SNX13: variants seen among roughly 807,000 people sequenced by gnomAD.
SNX13 encodes the protein sorting nexin-13.
A neutral mutation model predicts 133.6 loss-of-function variants in SNX13; 45 were observed. That is an observed-to-expected ratio of 0.34 (90% CI 0.27 to 0.43). The LOEUF is 0.43. Among genes scored for constraint, SNX13 ranks in the 20% least tolerant of loss-of-function variants. SNX13 has a pLI of 1.00. For missense variants in SNX13, 1,032 were observed against 1,145.1 expected (o/e 0.90, Z 1.43); for synonymous variants, 414 against 373.9 (o/e 1.11, Z -1.24).
chr7:17,939,819 A>G (rs1802586241), intron 1 of SNX13, among the ~76,000 whole-genome samples: 1 of 152,230 alleles, frequency 6.6e-6, no homozygotes, highest in Non-Finnish European at 1.5e-5. Context: ...GTGGGAAACA[A>G]ACCGGTCGGG....
chr7:17,895,087 A>G (rs1797059443), intron 2 of SNX13, among the ~76,000 whole-genome samples: 1 of 152,230 alleles, frequency 6.6e-6, no homozygotes, highest in Non-Finnish European at 1.5e-5. Context: ...TTATAGACAA[A>G]ATAAAATGTT....
chr7:17,799,218 GTTGCTTTTACGAAATGA>G, intron 22 of SNX13, 64 bp from the exon 23 acceptor site: 1 of 1,359,506 alleles, frequency 7.4e-7, no homozygotes. Context: ...TGTTACTTTT[GTTGCTTTTACGAAATGA>G]TTGATATTTC....
intron 25 of SNX13, chr7:17,796,509 AGCTT>A (rs1209763718): frequency 2.8e-5 from 6 of 215,496 alleles, no homozygotes; most frequent in Non-Finnish European, 5.6e-5. Flanking sequence ...TAAAAGCATA[AGCTT>A]TCACATCACT....
chr7:17,842,717 G>A (rs927666968), intron 12 of SNX13, among the ~76,000 whole-genome samples: 2 of 151,886 alleles, frequency 1.3e-5, no homozygotes, highest in African/African-American at 4.8e-5. Context: ...ATTTACAAAA[G>A]TAACTCATTT....
At chr7:17,914,453 G>GA (rs1799330630) in intron 1 of SNX13, among the ~76,000 whole-genome samples, 1 of 152,000 alleles carries the variant, frequency 6.6e-6, no homozygotes. Flanking sequence ...ATCCAAAATA[G>GA]AAAAAATCTT....
chr7:17,853,937 T>C (rs1440773220), intron 9 of SNX13, among the ~76,000 whole-genome samples: 1 of 144,248 alleles, frequency 6.9e-6, no homozygotes, highest in Non-Finnish European at 1.5e-5. Flanking sequence ...CGAGAATCCA[T>C]CTCCAAAAAA....
intron 11 of SNX13, among the ~76,000 whole-genome samples, chr7:17,848,956 TCTGTTCA>T (rs1790880842): frequency 6.6e-6 from 1 of 152,226 alleles, no homozygotes; most frequent in Admixed American, 6.5e-5. Context: ...TGTCTTAAAC[TCTGTTCA>T]TTGAAGTGTA....
At chr7:17,854,329 A>G (rs1308489127) in intron 9 of SNX13, among the ~76,000 whole-genome samples, 1 of 152,252 alleles carries the variant, frequency 6.6e-6, no homozygotes, top group African/African-American at 2.4e-5. Flanking sequence ...AGAGGACACT[A>G]ATTCCTAGAG....
At chr7:17,802,781 T>C (rs903411273) in intron 21 of SNX13, among the ~76,000 whole-genome samples, 3 of 152,190 alleles carry the variant, frequency 2.0e-5, no homozygotes, top group African/African-American at 7.2e-5. Context: ...ATATGTTTTA[T>C]AGCCTTGATT....
chr7:17,834,532 C>T (rs1026817148), intron 14 of SNX13, among the ~76,000 whole-genome samples: 2 of 151,706 alleles, frequency 1.3e-5, no homozygotes, highest in African/African-American at 4.8e-5. Flanking sequence ...CAATATCTAG[C>T]CCTACAATCA....
rs1223717756 is a variant in SNX13 at position 17,792,442 on chromosome 7, T to C, written c.*1603A>G. 2 of 152,494 alleles carry C rather than the reference T, an allele frequency of 1.3e-5. No homozygotes were observed. The highest frequency in any genetic ancestry group is 2.1e-4 in the South Asian group (1 of 4,826). The allele number at this position is 152,494 out of a possible 1,614,324, so 9.4% of individuals were successfully genotyped here. Reference sequence around the variant, plus strand: ...CTATAAGTATGCACAACAGCATTATTAATAAATATGATTATTATAAAGCTT... The same window carrying C: ...CTATAAGTATGCACAACAGCATTATCAATAAATATGATTATTATAAAGCTT... On this transcript the variant is annotated 3_prime_UTR_variant, in exon 26 of 26. Transcript: ENST00000428135.
chr7:17,852,509 C>T (rs1360556926), intron 9 of SNX13, among the ~76,000 whole-genome samples: 1 of 152,122 alleles, frequency 6.6e-6, no homozygotes, highest in Non-Finnish European at 1.5e-5. Context: ...GGATTATTCT[C>T]TTTGACTTGT....
chr7:17,861,571 C>G (rs555608521), intron 9 of SNX13, among the ~76,000 whole-genome samples: 1 of 152,080 alleles, frequency 6.6e-6, no homozygotes, highest in African/African-American at 2.4e-5. Flanking sequence ...CAAGTGAGCT[C>G]GAGGATGTGC....
intron 18 of SNX13, among the ~76,000 whole-genome samples, chr7:17,818,955 A>G (rs991188339): frequency 1.3e-5 from 2 of 152,212 alleles, no homozygotes; most frequent in African/African-American, 4.8e-5. Context: ...TTCACCAAAT[A>G]AAACAGAAAT....
rs768416038 is a variant in SNX13, at chr7:17,845,653, A to G, written c.1107T>C (p.Leu369=). 1.6e-5 allele frequency: 26 copies of G among 1,602,222 alleles called. No individual in the cohort carries two copies. In the South Asian group the frequency reaches 2.7e-4, roughly 17 times the overall value. Residue 369 remains leucine, a synonymous_variant, in exon 12 of 26, where the codon CTT becomes CTC. Coordinates refer to ENST00000428135, the MANE Select transcript of SNX13 (RefSeq NM_015132.5). ...GAATGCTGTCCAGGGGGACTGTGCA[A>G]AGTTTCCCAAAGTTTGCTGCAAGTT... is the stretch of plus-strand genomic sequence containing the variant. ...TVKLAANFGK[L]CTVPLDSILV...
In SNX13 at chr7:17,796,850, G is replaced by A. The variant is rs772765708; in HGVS notation, c.2603C>T (p.Thr868Met). 37 of 1,610,012 alleles carry A rather than the reference G, an allele frequency of 2.3e-5. No homozygotes were observed. The highest frequency in any genetic ancestry group is 8.0e-5 in the African/African-American group (6 of 74,768). ...ACCTGGCATAATTGCAAGTAATTTC[G>A]TTTTTCCTGCTACTCTTGTTCTCAT... ...IRMRTRVAGKTKLLAIMPDEL... is the reference protein window; with the variant it reads ...IRMRTRVAGKMKLLAIMPDEL... The change falls in exon 25 of 26, where the codon ACG becomes ATG. Residue 868 changes from threonine to methionine, a missense_variant. Physicochemically the swap from Thr to Met is moderately conservative, Grantham distance 81. Coordinates refer to ENST00000428135, the MANE Select transcript of SNX13 (RefSeq NM_015132.5).
rs141818902 is a variant in SNX13 at position 17,897,457 on chromosome 7, G to A, written c.13-11C>T. 1.4e-6 allele frequency: 2 copies of A among 1,445,574 alleles called. No homozygotes were observed. The highest frequency in any genetic ancestry group is 1.9e-6 in the Non-Finnish European group (2 of 1,065,448). 89.5% of individuals were successfully genotyped at this position (1,445,574 alleles called of 1,614,324 possible). A position where few individuals can be genotyped will look rare whatever the true frequency, so the allele number is the denominator to read the frequency against. On this transcript the variant is annotated splice_polypyrimidine_tract_variant and intron_variant, in intron 1 of 25. Coordinates refer to ENST00000428135, the MANE Select transcript of SNX13 (RefSeq NM_015132.5). ...TATGGATAGACTGGCCTGAAATACA[G>A]AAAAAATATAAGTAAATTAGTAAAT...
At chr7:17,888,106 G>A (rs556038576) in intron 5 of SNX13, 9 of 152,270 alleles carry the variant, frequency 5.9e-5, no homozygotes, top group African/African-American at 2.2e-4. Flanking sequence ...TAGAAAAAGG[G>A]AATGTAGGAA....
intron 1 of SNX13, among the ~76,000 whole-genome samples, chr7:17,904,606 T>G (rs543752356): frequency 6.6e-6 from 1 of 152,208 alleles, no homozygotes; most frequent in African/African-American, 2.4e-5. Flanking sequence ...TCAATCTCAC[T>G]AGAATGGGGT....
Sources: allele counts gnomAD v4.1 joint callset (sites outside exome capture counted in the v4.1 genomes callset), GRCh38; gene constraint gnomAD v4.1.1; transcripts MANE v1.5; gene names NCBI Gene and HGNC (gene_info 2026-07-23, HGNC 2026-07-21).